GOLM2: variants seen among roughly 807,000 people sequenced by gnomAD.
GOLM2 encodes golgi membrane protein 2.
Under a neutral mutation model 55.9 loss-of-function variants are expected in GOLM2, and 26 were observed. The observed-to-expected ratio is 0.47, with a 90% confidence interval of 0.34 to 0.65. GOLM2 has a LOEUF of 0.65. Among genes scored for constraint, GOLM2 ranks in the 30% least tolerant of loss-of-function variants. The pLI is 0.01. For missense variants in GOLM2, 486 were observed against 531.8 expected, an observed-to-expected ratio of 0.91 and a Z score of 0.85; for synonymous variants, 165 against 194.6, an observed-to-expected ratio of 0.85 and a Z score of 1.27.
rs1008213293 is a variant in GOLM2 at position 44,364,196 on chromosome 15, A to AAAAT, written c.803-15478_803-15475dup. Among the ~76,000 whole-genome samples the AAAAT allele has an allele frequency of 5.3e-5, 8 of 152,222 alleles. No homozygotes were observed. The East Asian group carries it at 9.7e-4, about 18-fold the overall frequency. Reference sequence around the variant, plus strand: ...TACCCTAAAACTTAAAAGTATAATAAAAATAAATAAATAAATAAAAACACA... The same window carrying AAAAT: ...TACCCTAAAACTTAAAAGTATAATAAAAATAAATAAATAAATAAATAAAAACACA... On this transcript the variant is annotated intron_variant, in intron 6 of 9. Transcript: ENST00000299957.
At chr15:44,397,493 A>C (rs1372283681) in intron 8 of GOLM2, among the ~76,000 whole-genome samples, 29 of 148,926 alleles carry the variant, frequency 1.9e-4, no homozygotes, top group South Asian at 1.7e-3. Context: ...AAAAAAAAAA[A>C]AAAAAAAAAC....
At chr15:44,358,154 G>A (rs1017336447) in intron 6 of GOLM2, among the ~76,000 whole-genome samples, 1 of 152,176 alleles carries the variant, frequency 6.6e-6, no homozygotes, top group East Asian at 1.9e-4. Context: ...AGGAGTTTGA[G>A]ACCAGCCTGG....
At chr15:44,380,345 G>A (rs1404403770) in intron 7 of GOLM2, among the ~76,000 whole-genome samples, 2 of 152,080 alleles carry the variant, frequency 1.3e-5, no homozygotes, top group African/African-American at 4.8e-5. Flanking sequence ...GGAAAGAGAG[G>A]TGGTATCCAG....
chr15:44,397,256 G>A (rs999399323), intron 8 of GOLM2, among the ~76,000 whole-genome samples: 2 of 151,896 alleles, frequency 1.3e-5, no homozygotes, highest in Admixed American at 6.6e-5. Context: ...GAGGCAGGCC[G>A]ATCACGAGGT....
At chr15:44,321,644 A>G (rs558799362) in intron 1 of GOLM2, among the ~76,000 whole-genome samples, 4 of 152,280 alleles carry the variant, frequency 2.6e-5, no homozygotes, top group Admixed American at 1.3e-4. Context: ...TTGATGTTGT[A>G]CTGTAGTTAC....
At chr15:44,360,988 A>G (rs1181785570) in intron 6 of GOLM2, among the ~76,000 whole-genome samples, 7 of 151,704 alleles carry the variant, frequency 4.6e-5, no homozygotes, top group African/African-American at 1.7e-4. Flanking sequence ...AGAAATAAAG[A>G]TGTTCTTTGA....
chr15:44,402,641 T>G lies in GOLM2; in HGVS notation c.1073-246T>G, dbSNP rs1410112593. Reference sequence around the variant, plus strand: ...GGTGCCCATTTCTTTAAGAAATCATTCAAATTTTAAGTGGCAAGCACTAAA... The same window carrying G: ...GGTGCCCATTTCTTTAAGAAATCATGCAAATTTTAAGTGGCAAGCACTAAA... On this transcript the variant is annotated intron_variant, in intron 8 of 9. Transcript: ENST00000299957. 3.1e-5 allele frequency: 11 copies of G among 358,266 alleles called. No individual in the cohort carries two copies. In the East Asian group the frequency reaches 4.8e-4, roughly 16 times the overall value. The allele number at this position is 358,266 out of a possible 1,614,324, so 22.2% of individuals were successfully genotyped here.
chr15:44,320,946 G>A (rs188086822), intron 1 of GOLM2, among the ~76,000 whole-genome samples: 13 of 152,200 alleles, frequency 8.5e-5, no homozygotes, highest in Admixed American at 8.5e-4. Context: ...CATCTGAAAT[G>A]CCCCTTTCCC....
intron 9 of GOLM2, among the ~76,000 whole-genome samples, chr15:44,411,007 G>GAC (rs1420154536): frequency 1.4e-4 from 14 of 98,080 alleles, no homozygotes; most frequent in African/African-American, 4.5e-4. Flanking sequence ...AAGTTGGTTT[G>GAC]TTTGACTTTT....
At chr15:44,360,856 TCAGACCA>T (rs2079232731) in intron 6 of GOLM2, among the ~76,000 whole-genome samples, 1 of 152,078 alleles carries the variant, frequency 6.6e-6, no homozygotes, top group Non-Finnish European at 1.5e-5. Context: ...AAACTATCTC[TCAGACCA>T]CAGTGCAATC....
chr15:44,334,846 A>G (rs1190050970), intron 4 of GOLM2, among the ~76,000 whole-genome samples: 1 of 152,180 alleles, frequency 6.6e-6, no homozygotes, highest in Non-Finnish European at 1.5e-5. Flanking sequence ...CCTGGCCAAC[A>G]TGGTGAAACC....
chr15:44,326,510 G>A (rs1327437037), intron 2 of GOLM2, among the ~76,000 whole-genome samples: 2 of 151,182 alleles, frequency 1.3e-5, no homozygotes, highest in African/African-American at 4.9e-5. Flanking sequence ...AAAAGTATAT[G>A]TTCAAAATCC....
At chr15:44,292,839 G>A (rs1485056100) in intron 1 of GOLM2, among the ~76,000 whole-genome samples, 1 of 152,102 alleles carries the variant, frequency 6.6e-6, no homozygotes, top group Non-Finnish European at 1.5e-5. Flanking sequence ...TTTTGAGACA[G>A]GGTCTTGCTC....
At chr15:44,375,786 T>A (rs571529535) in intron 6 of GOLM2, among the ~76,000 whole-genome samples, 1 of 152,042 alleles carries the variant, frequency 6.6e-6, no homozygotes, top group Admixed American at 6.5e-5. Flanking sequence ...TCAAAAAAAT[T>A]AAAAAAATGA....
chr15:44,309,891 GT>G (rs1228443337), intron 1 of GOLM2, among the ~76,000 whole-genome samples: 8 of 148,596 alleles, frequency 5.4e-5, no homozygotes, highest in South Asian at 2.1e-4. Context: ...CCAGCTTTTG[GT>G]TTTTTTTTTG....
chr15:44,396,900 G>C (rs1208429259), intron 8 of GOLM2, among the ~76,000 whole-genome samples: 1 of 152,140 alleles, frequency 6.6e-6, no homozygotes, highest in Non-Finnish European at 1.5e-5. Context: ...TAGTGGGTGT[G>C]TTGTTTCTTT....
In GOLM2 at chr15:44,323,027, C is replaced by T. The variant is rs775167107; in HGVS notation, c.382+8C>T. On this transcript the variant is annotated splice_region_variant and intron_variant, in intron 2 of 9. Transcript: ENST00000299957. Reference sequence around the variant, plus strand: ...ACATACATCATTTAAAGGGTAAGAACCTTAATTCCAGATTAAAGATAAACC... The same window carrying T: ...ACATACATCATTTAAAGGGTAAGAATCTTAATTCCAGATTAAAGATAAACC... 2.1e-5 allele frequency: 33 copies of T among 1,547,246 alleles called. No homozygotes were observed. The highest frequency in any genetic ancestry group is 4.0e-5 in the Admixed American group (2 of 49,558).
chr15:44,303,732 ATTTT>A (rs541563417), intron 1 of GOLM2, among the ~76,000 whole-genome samples: 1 of 130,814 alleles, frequency 7.6e-6, no homozygotes. Context: ...CACCTGGCTA[ATTTT>A]TTTTTTTTTT....
chr15:44,325,758 G>A (rs2078976657), intron 2 of GOLM2, among the ~76,000 whole-genome samples: 1 of 152,160 alleles, frequency 6.6e-6, no homozygotes, highest in South Asian at 2.1e-4. Context: ...GCTTCCTACT[G>A]TGATCTCATT....
Sources: gnomAD v4.1 joint callset for allele counts (sites outside exome capture counted in the v4.1 genomes callset) on GRCh38, gnomAD v4.1.1 for gene constraint, MANE v1.5 for transcripts, NCBI Gene and HGNC (gene_info 2026-07-23, HGNC 2026-07-21) for gene names.